The following TCAIM variants were observed in gnomAD, a reference collection of about 807,000 sequenced individuals.
TCAIM encodes T cell activation inhibitor, mitochondrial, also known as T-cell activation inhibitor, mitochondrial.
Under a neutral mutation model 58.6 loss-of-function variants are expected in TCAIM, and 36 were observed. That is an observed-to-expected ratio of 0.61 (90% confidence interval 0.47 to 0.81). The LOEUF is 0.81. Ranked by LOEUF, TCAIM falls within the 30% of genes least tolerant of loss-of-function variation. TCAIM has a pLI of 0.00. For synonymous variants in TCAIM, 172 were observed against 193.6 expected (o/e 0.89, Z 0.93); for missense variants, 466 against 579.6 (o/e 0.80, Z 2.01).
intron 5 of TCAIM, 48 bp from the exon 6 acceptor site, chr3:44,392,807 A>G: frequency 6.5e-7 from 1 of 1,529,992 alleles, no homozygotes; most frequent in South Asian, 1.2e-5. Context: ...TAGTAAAAAT[A>G]TGTATATTAT....
intron 5 of TCAIM, among the ~76,000 whole-genome samples, chr3:44,372,967 G>A (rs1286266395): frequency 6.6e-6 from 1 of 152,096 alleles, no homozygotes; most frequent in Admixed American, 6.6e-5. Context: ...TATGTTAAAC[G>A]AGAAAATATA....
intron 6 of TCAIM, among the ~76,000 whole-genome samples, chr3:44,395,037 C>T (rs1388228155): frequency 2.2e-5 from 3 of 136,958 alleles, no homozygotes; most frequent in Non-Finnish European, 4.6e-5. Context: ...ATTTGAGGAC[C>T]ATGGGCATGA....
chr3:44,351,598 G>A (rs1701090130), intron 1 of TCAIM, among the ~76,000 whole-genome samples: 1 of 151,992 alleles, frequency 6.6e-6, no homozygotes, highest in Non-Finnish European at 1.5e-5. Flanking sequence ...GGGTTCAAGT[G>A]ATTCTGCTGC....
At chr3:44,388,478 A>G (rs895085151) in intron 5 of TCAIM, among the ~76,000 whole-genome samples, 4 of 152,144 alleles carry the variant, frequency 2.6e-5, no homozygotes, top group African/African-American at 9.7e-5. Context: ...CCCAGAAGTG[A>G]CGTTGTGTTG....
At chr3:44,351,960 A>G (rs1271279290) in intron 1 of TCAIM, among the ~76,000 whole-genome samples, 1 of 151,576 alleles carries the variant, frequency 6.6e-6, no homozygotes, top group African/African-American at 2.4e-5. Flanking sequence ...CTATCATTCT[A>G]TTAATAACAG....
At chr3:44,396,359 G>A (rs751911344) in intron 6 of TCAIM, 41 bp from the exon 7 acceptor site, 3 of 1,570,242 alleles carry the variant, frequency 1.9e-6, no homozygotes, top group South Asian at 1.2e-5. Context: ...CCGTCTTCAG[G>A]GTGCCACTTG....
chr3:44,393,039 G>A lies in TCAIM; in HGVS notation c.695+62G>A, dbSNP rs1028408803. ...ATGAATATGAATTACCAACTGATAA[G>A]CTTTTCAGCAGCTAAATATTTGCAT... is the stretch of plus-strand genomic sequence containing the variant. On this transcript the variant is annotated intron_variant, in intron 6 of 10. Coordinates refer to ENST00000342649, the MANE Select transcript of TCAIM (RefSeq NM_173826.4). The A allele has an allele frequency of 1.3e-5, 19 of 1,457,440 alleles. No individual in the cohort carries two copies. In the Admixed American group the frequency reaches 2.2e-4, roughly 17 times the overall value. The allele number at this position is 1,457,440 out of a possible 1,614,324, so 90.3% of individuals were successfully genotyped here.
intron 1 of TCAIM, among the ~76,000 whole-genome samples, chr3:44,352,103 T>A (rs1045271241): frequency 3.2e-4 from 47 of 148,294 alleles, no homozygotes; most frequent in Middle Eastern, 3.5e-3. Context: ...ATATATATAT[T>A]ATATATATAA....
rs1034804216 is a variant in TCAIM at position 44,407,836 on chromosome 3, G to T, written c.*154G>T. 7 of 862,864 alleles carry T rather than the reference G, an allele frequency of 8.1e-6. No homozygotes were observed. The highest frequency in any genetic ancestry group is 3.5e-5 in the African/African-American group (2 of 57,146). The allele number at this position is 862,864 out of a possible 1,614,324, so 53.5% of individuals were successfully genotyped here. On this transcript the variant is annotated 3_prime_UTR_variant, in exon 11 of 11. Coordinates refer to ENST00000342649, the MANE Select transcript of TCAIM (RefSeq NM_173826.4). The stretch of plus-strand genomic sequence containing the variant: ...GACTTTTTTAAAAAAATTAATTTCT[G>T]CTAGGAGAGGTTTTATATGCCAGGC...
In TCAIM at chr3:44,396,442, G is replaced by A. The variant is rs773280260; in HGVS notation, c.738G>A (p.Leu246=). 1.2e-5 allele frequency: 19 copies of A among 1,613,770 alleles called. No individual in the cohort carries two copies. The highest frequency in any genetic ancestry group is 1.7e-5 in the Admixed American group (1 of 59,982). The change falls in exon 7 of 11, where the codon CTG becomes CTA. Residue 246 remains leucine (L), a synonymous_variant. Coordinates refer to ENST00000342649, the MANE Select transcript of TCAIM (RefSeq NM_173826.4). ...SWGIAHRCSQ[L]HSLSRLAQQN... ...GCATCGCCCACCGCTGTAGCCAGCT[G>A]CATAGTTTAAGCCGCTTAGCACAGC... is the stretch of plus-strand genomic sequence containing the variant.
At chr3:44,353,283 A>G (rs1440252933) in intron 1 of TCAIM, among the ~76,000 whole-genome samples, 1 of 152,130 alleles carries the variant, frequency 6.6e-6, no homozygotes, top group Non-Finnish European at 1.5e-5. Context: ...AGCCTGAATA[A>G]TATTCAATTG....
At chr3:44,386,230 A>C (rs930453330) in intron 5 of TCAIM, among the ~76,000 whole-genome samples, 1 of 151,866 alleles carries the variant, frequency 6.6e-6, no homozygotes, top group African/African-American at 2.4e-5. Flanking sequence ...AAAAAAAAAA[A>C]AACACTTTAA....
chr3:44,364,635 G>A (rs925744757), intron 4 of TCAIM, among the ~76,000 whole-genome samples: 1 of 151,626 alleles, frequency 6.6e-6, no homozygotes, highest in African/African-American at 2.4e-5. Context: ...CCCGCTACTC[G>A]AGAGCCTAAG....
rs188108034 is a variant in TCAIM at position 44,361,135 on chromosome 3, T to C, written c.166-230T>C. On this transcript the variant is annotated intron_variant, in intron 3 of 10. Transcript: ENST00000342649. ...AGGAATTCAACCATGTTTTCTTCTA[T>C]TACTTATATGGTTACATCTTTTTAC... 1.3e-3 allele frequency among the ~76,000 whole-genome samples: 205 copies of C among 152,356 alleles called. 2 individuals carry two copies. Among genetic ancestry groups the C allele is most frequent in the Non-Finnish European group, 2.4e-3 (160 of 68,028 alleles).
At chr3:44,338,378 G>A (rs943135490), upstream of TCAIM, 3 of 152,356 alleles carry the variant, frequency 2.0e-5, no homozygotes, top group African/African-American at 7.2e-5. Flanking sequence ...CAGTTACCAG[G>A]GTGCTGACGT....
chr3:44,375,272 A>G (rs969248552), intron 5 of TCAIM, among the ~76,000 whole-genome samples: 1 of 152,228 alleles, frequency 6.6e-6, no homozygotes, highest in African/African-American at 2.4e-5. Flanking sequence ...TTTATAAAGA[A>G]AAGAGGTTTG....
rs775037994 is a variant in TCAIM, at chr3:44,396,422, G to A, written c.718G>A (p.Ala240Thr). 4.7e-5 allele frequency: 76 copies of A among 1,613,374 alleles called. No individual in the cohort carries two copies. Among genetic ancestry groups the A allele is most frequent in the Non-Finnish European group, 6.0e-5 (71 of 1,179,856 alleles). ...DIRWQRSWGIAHRCSQLHSLS... is the reference protein window; with the variant it reads ...DIRWQRSWGITHRCSQLHSLS... Reference sequence around the variant, plus strand: ...TAGGTGGCAGAGGAGCTGGGGCATCGCCCACCGCTGTAGCCAGCTGCATAG... The same window carrying A: ...TAGGTGGCAGAGGAGCTGGGGCATCACCCACCGCTGTAGCCAGCTGCATAG... The change falls in exon 7 of 11, where the codon GCC becomes ACC. Residue 240 changes from alanine to threonine, a missense_variant. Physicochemically the swap from Ala to Thr is moderately conservative, Grantham distance 58. Coordinates refer to ENST00000342649, the MANE Select transcript of TCAIM (RefSeq NM_173826.4).
At chr3:44,388,818 T>C (rs143408153) in intron 5 of TCAIM, among the ~76,000 whole-genome samples, 261 of 152,334 alleles carry the variant, frequency 1.7e-3, no homozygotes, top group Non-Finnish European at 3.3e-3. Flanking sequence ...GTTCACCAAG[T>C]TGTTCCAGGT....
intron 5 of TCAIM, among the ~76,000 whole-genome samples, chr3:44,372,238 C>T (rs925715168): frequency 6.6e-6 from 1 of 152,126 alleles, no homozygotes; most frequent in Non-Finnish European, 1.5e-5. Flanking sequence ...GAAAACTGTA[C>T]TGATTTTTTT....
Sources: allele counts gnomAD v4.1 joint callset (sites outside exome capture counted in the v4.1 genomes callset), GRCh38; gene constraint gnomAD v4.1.1; transcripts MANE v1.5; gene names NCBI Gene and HGNC (gene_info 2026-07-23, HGNC 2026-07-21).